The following LINGO2 variants were observed in gnomAD, a reference collection of about 807,000 sequenced individuals.
LINGO2 encodes the protein leucine-rich repeat and immunoglobulin-like domain-containing nogo receptor-interacting protein 2.
A neutral mutation model predicts 30.6 loss-of-function variants in LINGO2; 14 were observed. The ratio of observed to expected loss-of-function variants is 0.46; its 90% CI spans 0.30 to 0.72. LINGO2 has a LOEUF of 0.72. Ranked by LOEUF, LINGO2 falls within the 30% of genes least tolerant of loss-of-function variation. The probability of loss-of-function intolerance (pLI) is 0.07; values close to 1 mark genes in which losing one functional copy is unlikely to be tolerated. For missense variants in LINGO2, 729 were observed against 751.7 expected (o/e 0.97, Z 0.35); for synonymous variants, 317 against 288.5 (o/e 1.10, Z -1.00).
At chr9:28,632,567 G>T (rs982009911) in intron 1 of LINGO2, among the ~76,000 whole-genome samples, 1 of 144,452 alleles carries the variant, frequency 6.9e-6, no homozygotes, top group East Asian at 2.0e-4. Context: ...TATATATCTC[G>T]ATATACTATA....
chr9:28,025,390 C>G (rs1235942547), intron 4 of LINGO2, among the ~76,000 whole-genome samples: 1 of 152,166 alleles, frequency 6.6e-6, no homozygotes, highest in South Asian at 2.1e-4. Context: ...AATACTATCT[C>G]TTTTGGCAGC....
At chr9:28,270,232 C>G (rs936077102) in intron 4 of LINGO2, among the ~76,000 whole-genome samples, 1 of 151,992 alleles carries the variant, frequency 6.6e-6, no homozygotes. Flanking sequence ...GAGCCCTTTC[C>G]CCTTCAGTCA....
At chr9:27,954,075 T>C (rs1819446903) in intron 5 of LINGO2, among the ~76,000 whole-genome samples, 2 of 152,224 alleles carry the variant, frequency 1.3e-5, no homozygotes, top group African/African-American at 4.8e-5. Context: ...ATATTTTTCA[T>C]TGATACATAA....
chr9:28,355,089 C>G (rs760577879), intron 3 of LINGO2, among the ~76,000 whole-genome samples: 39 of 152,258 alleles, frequency 2.6e-4, no homozygotes, highest in Non-Finnish European at 4.1e-4. Context: ...GAAATTCATT[C>G]TAACTTTAGT....
intron 4 of LINGO2, among the ~76,000 whole-genome samples, chr9:28,050,660 A>T (rs986497025): frequency 1.3e-5 from 2 of 150,956 alleles, no homozygotes; most frequent in African/African-American, 2.4e-5. Context: ...AACACTGTTA[A>T]ATGTCTTAGG....
chr9:28,372,755 A>G lies in LINGO2; in HGVS notation c.-246+81T>C, dbSNP rs972864203. 2.6e-5 allele frequency: 4 copies of G among 152,592 alleles called. No individual in the cohort carries two copies. The South Asian group carries it at 8.3e-4, about 32-fold the overall frequency. The allele number at this position is 152,592 out of a possible 1,614,324, so 9.5% of individuals were successfully genotyped here. A position where few individuals can be genotyped will look rare whatever the true frequency, so the allele number is the denominator to read the frequency against. On this transcript the variant is annotated intron_variant, in intron 3 of 5. Coordinates refer to ENST00000379992, the Ensembl canonical transcript of LINGO2. ...TAATTATTCCACATTGCAGTCATAA[A>G]CTATAACATTAGTTTTTACCCCATA...
chr9:28,488,197 T>C (rs1826250345), intron 1 of LINGO2, among the ~76,000 whole-genome samples: 2 of 152,178 alleles, frequency 1.3e-5, no homozygotes, highest in Admixed American at 1.3e-4. Flanking sequence ...AAAATTAATG[T>C]GGATTCTTAA....
Position 28,299,199 on chromosome 9 carries a change from G to T in LINGO2, c.-245-3833C>A, listed in dbSNP as rs147976505. ...GAACTATAAGAGTACTCAGCATTCA[G>T]TGAGTTCAATGCATTTGTTAAATGA... On this transcript the variant is annotated intron_variant, in intron 3 of 5. Coordinates refer to ENST00000379992, the Ensembl canonical transcript of LINGO2. 4.5e-4 allele frequency among the ~76,000 whole-genome samples: 69 copies of T among 152,230 alleles called. No individual in the cohort carries two copies. In the East Asian group the frequency reaches 0.012, roughly 27 times the overall value.
At chr9:28,785,323 C>T in the LINGO2 span, among the ~76,000 whole-genome samples, 1 of 152,120 alleles carries the variant, frequency 6.6e-6, no homozygotes, top group Admixed American at 6.5e-5. Flanking sequence ...TATCCTGCAG[C>T]ATGATAGGAC....
At chr9:28,894,861 GA>G in the LINGO2 span, among the ~76,000 whole-genome samples, 2 of 151,956 alleles carry the variant, frequency 1.3e-5, no homozygotes, top group Non-Finnish European at 2.9e-5. Context: ...TTTGTAGTAA[GA>G]ATACTTAAAA....
rs542449054 is a variant in LINGO2 at position 28,464,596 on chromosome 9, G to T, written c.-279+11344C>A. Among the ~76,000 whole-genome samples the T allele has an allele frequency of 5.3e-5, 8 of 152,250 alleles. No homozygotes were observed. In the East Asian group the frequency reaches 1.4e-3, roughly 26 times the overall value. On this transcript the variant is annotated intron_variant, in intron 2 of 5. Transcript: ENST00000379992. ...ATGACATCTGGGGTATAATTTCAGG[G>T]AAAATAAACATGCCTAAATGAATAG...
the LINGO2 span, among the ~76,000 whole-genome samples, chr9:29,185,352 C>T: frequency 6.6e-6 from 1 of 152,174 alleles, no homozygotes; most frequent in South Asian, 2.1e-4. Context: ...TTGCAAATCA[C>T]ATTGTAAGAG....
chr9:28,431,608 G>A (rs375034624), intron 2 of LINGO2, among the ~76,000 whole-genome samples: 11 of 152,124 alleles, frequency 7.2e-5, no homozygotes, highest in East Asian at 5.8e-4. Flanking sequence ...TCATGTATAA[G>A]TCTGGAAAGA....
At chr9:28,270,009 C>T (rs1587361914) in intron 4 of LINGO2, among the ~76,000 whole-genome samples, 2 of 152,112 alleles carry the variant, frequency 1.3e-5, no homozygotes, top group South Asian at 4.1e-4. Flanking sequence ...AAAATCCAGG[C>T]AGGAAAGCAG....
the LINGO2 span, among the ~76,000 whole-genome samples, chr9:28,971,792 G>C: frequency 6.6e-6 from 1 of 152,214 alleles, no homozygotes; most frequent in Non-Finnish European, 1.5e-5. Context: ...CCAGGACCTT[G>C]AGTGAACATA....
At chr9:28,701,535 A>G in the LINGO2 span, among the ~76,000 whole-genome samples, 2 of 151,842 alleles carry the variant, frequency 1.3e-5, no homozygotes, top group African/African-American at 2.4e-5. Context: ...TCAATACCAC[A>G]CTGTTTGGTT....
the LINGO2 span, among the ~76,000 whole-genome samples, chr9:29,123,239 A>T: frequency 6.6e-6 from 1 of 151,978 alleles, no homozygotes; most frequent in Non-Finnish European, 1.5e-5. Context: ...CAACCTAAGA[A>T]CTCATATATA....
chr9:28,935,145 C>T, the LINGO2 span, among the ~76,000 whole-genome samples: 4 of 151,952 alleles, frequency 2.6e-5, no homozygotes, highest in Non-Finnish European at 4.4e-5. Context: ...CCTACAAATT[C>T]CTGGGAGACA....
chr9:29,018,698 G>T, the LINGO2 span, among the ~76,000 whole-genome samples: 1 of 152,110 alleles, frequency 6.6e-6, no homozygotes, highest in Non-Finnish European at 1.5e-5. Context: ...CAGCTCCGAA[G>T]TTCTCACTCT....
Sources: allele counts gnomAD v4.1 joint callset (sites outside exome capture counted in the v4.1 genomes callset), GRCh38; gene constraint gnomAD v4.1.1; transcripts MANE v1.5; gene names NCBI Gene and HGNC (gene_info 2026-07-23, HGNC 2026-07-21).